CYLC1: variants seen among roughly 807,000 people sequenced by gnomAD.
CYLC1 encodes the protein cylicin 1.
Under a neutral mutation model 31.6 loss-of-function variants are expected in CYLC1, and 2 were observed. The observed-to-expected ratio is 0.06, with a 90% CI of 0.03 to 0.20. The LOEUF is 0.20. Ranked by LOEUF, CYLC1 falls within the 10% of genes least tolerant of loss-of-function variation. The probability of loss-of-function intolerance (pLI) is 1.00; values close to 1 mark genes in which losing one functional copy is unlikely to be tolerated. For missense variants in CYLC1, 595 were observed against 424.1 expected (o/e 1.40, Z -3.54); for synonymous variants, 185 against 153.0 (o/e 1.21, Z -1.54).
intron 1 of CYLC1, among the ~76,000 whole-genome samples, chrX:83,863,602 A>T (rs911511436): frequency 8.9e-6 from 1 of 111,962 alleles, no homozygotes. Context: ...AGCATGAGAA[A>T]AAAAATGTGT....
Position 83,874,214 on chromosome X carries a change from G to A in CYLC1, c.1506G>A (p.Lys502=). 1.7e-6 allele frequency: 2 copies of A among 1,205,783 alleles called. No homozygotes were observed. Among genetic ancestry groups the A allele is most frequent in the Non-Finnish European group, 2.2e-6 (2 of 891,739 alleles). Residue 502 remains lysine (K), a synonymous_variant, in exon 4 of 5, where the codon AAG becomes AAA. Coordinates refer to ENST00000329312, the MANE Select transcript of CYLC1 (RefSeq NM_021118.3). ...AGGACAAGAAACACTCAAAGGAAAA[G>A]AAAGGTTCAAAGAAAGATATCAAGA... ...LKKDKKHSKE[K]KGSKKDIKKD...
rs770547847 is a variant in CYLC1, at chrX:83,871,221, G to A, written c.59-231G>A. ...TATCTGTGAAAATTAGTTTAATGTA[G>A]AAAATAAAATTACAAATTTCATTTT... is the stretch of plus-strand genomic sequence containing the variant. On this transcript the variant is annotated intron_variant, in intron 2 of 4. Transcript: ENST00000329312. 8.2e-4 allele frequency among the ~76,000 whole-genome samples: 90 copies of A among 110,240 alleles called. 1 individual carries two copies. The highest frequency in any genetic ancestry group is 2.7e-4 in the Non-Finnish European group (14 of 52,356).
intron 4 of CYLC1, among the ~76,000 whole-genome samples, chrX:83,882,529 C>A (rs760450170): frequency 2.7e-5 from 3 of 110,729 alleles, no homozygotes; most frequent in Non-Finnish European, 5.7e-5. Context: ...TTTATAAAAA[C>A]TATCTCTTCC....
chrX:83,883,657 G>A (rs1463910373), intron 4 of CYLC1, among the ~76,000 whole-genome samples: 3 of 111,542 alleles, frequency 2.7e-5, no homozygotes, highest in African/African-American at 9.7e-5. Flanking sequence ...TTATTATTAT[G>A]GTTGTGCATT....
In CYLC1 at chrX:83,872,932, A is replaced by T. The variant is rs867080166; in HGVS notation, c.224A>T (p.Lys75Ile). The T allele has an allele frequency of 1.7e-6, 2 of 1,189,905 alleles. No individual in the cohort carries two copies. The highest frequency in any genetic ancestry group is 4.9e-5 in the Admixed American group (2 of 40,888). The change falls in exon 4 of 5, where the codon AAA (lysine) becomes ATA (isoleucine). Residue 75 changes from lysine (K) to isoleucine (I), a missense_variant. Physicochemically the swap from Lys to Ile is moderately radical, Grantham distance 102. Coordinates refer to ENST00000329312, the MANE Select transcript of CYLC1 (RefSeq NM_021118.3). Reference protein sequence around the residue: ...KLEEGQKPAHKWIRHSFRKIL... With the variant: ...KLEEGQKPAHIWIRHSFRKIL... ...GAAGAAGGCCAGAAACCAGCTCATAAATGGATAAGGCATTCTTTCAGAAAA... is the reference window on the plus strand; with the variant it reads ...GAAGAAGGCCAGAAACCAGCTCATATATGGATAAGGCATTCTTTCAGAAAA...
intron 1 of CYLC1, among the ~76,000 whole-genome samples, 164 bp from the exon 2 acceptor site, chrX:83,869,701 T>A (rs1280366048): frequency 1.8e-5 from 2 of 111,292 alleles, no homozygotes. Context: ...ATTGAAGAAT[T>A]TGTTATAATA....
chrX:83,873,831 G>A lies in CYLC1; in HGVS notation c.1123G>A (p.Gly375Arg), dbSNP rs774959107. 8.4e-7 allele frequency: 1 copy of A among 1,189,072 alleles called. No individual in the cohort carries two copies. The highest frequency in any genetic ancestry group is 2.2e-5 in the Admixed American group (1 of 45,313). The stretch of plus-strand genomic sequence containing the variant: ...CCCAGAGTCTACTGATACTGAATCA[G>A]GAGATGCAAAGGATGCAAGAAATGA... Reference protein sequence around the residue: ...KYPESTDTESGDAKDARNDSR... With the variant: ...KYPESTDTESRDAKDARNDSR... The change falls in exon 4 of 5, where the codon GGA becomes AGA. Residue 375 changes from glycine to arginine, a missense_variant. Physicochemically the swap from Gly to Arg is moderately radical, Grantham distance 125. Coordinates refer to ENST00000329312, the MANE Select transcript of CYLC1 (RefSeq NM_021118.3).
chrX:83,874,396 G>T lies in CYLC1; in HGVS notation c.1688G>T (p.Gly563Val). The T allele has an allele frequency of 8.3e-7, 1 of 1,209,705 alleles. No homozygotes were observed. Among genetic ancestry groups the T allele is most frequent in the Non-Finnish European group, 1.1e-6 (1 of 894,356 alleles). The change falls in exon 4 of 5, where the codon GGC (glycine) becomes GTC (valine). Residue 563 changes from glycine to valine, a missense_variant. Physicochemically the swap from Gly to Val is moderately radical, Grantham distance 109 (BLOSUM62 -3). Transcript: ENST00000329312. Reference protein sequence around the residue: ...GAKKKIDESDGTSANSKMEGL... With the variant: ...GAKKKIDESDVTSANSKMEGL... Reference sequence around the variant, plus strand: ...AAGAAGAAAATTGATGAATCAGATGGCACATCTGCAAATTCAAAGATGGAA... The same window carrying T: ...AAGAAGAAAATTGATGAATCAGATGTCACATCTGCAAATTCAAAGATGGAA...
intron 4 of CYLC1, among the ~76,000 whole-genome samples, chrX:83,884,635 A>C (rs759527604): frequency 8.9e-6 from 1 of 112,196 alleles, no homozygotes; most frequent in Admixed American, 9.5e-5. Context: ...AATAAAAAAT[A>C]AAATAAAAAA....
rs754439326 is a variant in CYLC1, at chrX:83,873,338, C to T, written c.630C>T (p.Asn210=). ...KKDSKNSKKT[N]TEFLHTKNNP... ...ATTCAAAGAATTCCAAGAAGACAAA[C>T]ACTGAATTCCTACATACAAAGAACA... Residue 210 remains asparagine (N), a synonymous_variant, in exon 4 of 5, where the codon AAC becomes AAT. Coordinates refer to ENST00000329312, the MANE Select transcript of CYLC1 (RefSeq NM_021118.3). 3 of 1,200,370 alleles carry T rather than the reference C, an allele frequency of 2.5e-6. No individual in the cohort carries two copies. The highest frequency in any genetic ancestry group is 2.2e-5 in the Admixed American group (1 of 45,047).
chrX:83,864,132 G>A (rs1602299554), intron 1 of CYLC1, among the ~76,000 whole-genome samples: 2 of 111,039 alleles, frequency 1.8e-5, no homozygotes, highest in African/African-American at 6.6e-5. Flanking sequence ...CTTAGATTAG[G>A]GCACAACTTA....
In CYLC1 at chrX:83,873,858, T is replaced by A. The variant is rs1252390606; in HGVS notation, c.1150T>A (p.Ser384Thr). ...SGDAKDARND[S>T]RNLKKASKND... ...AGATGCAAAGGATGCAAGAAATGATTCAAGAAATTTGAAGAAAGCTTCAAA... is the reference window on the plus strand; with the variant it reads ...AGATGCAAAGGATGCAAGAAATGATACAAGAAATTTGAAGAAAGCTTCAAA... Residue 384 changes from serine (S) to threonine (T), a missense_variant, in exon 4 of 5, where the codon TCA becomes ACA. Physicochemically the swap from Ser to Thr is moderately conservative, Grantham distance 58. Transcript: ENST00000329312. 14 of 1,192,877 alleles carry A rather than the reference T, an allele frequency of 1.2e-5. No individual in the cohort carries two copies. The highest frequency in any genetic ancestry group is 1.6e-5 in the Non-Finnish European group (14 of 883,654).
intron 4 of CYLC1, among the ~76,000 whole-genome samples, chrX:83,884,847 T>C (rs187665602): frequency 9.0e-6 from 1 of 111,180 alleles, no homozygotes; most frequent in Non-Finnish European, 1.9e-5. Flanking sequence ...TGTCTTCTCA[T>C]TGACCTCTGA....
chrX:83,875,869 C>A (rs1320368199), intron 4 of CYLC1, among the ~76,000 whole-genome samples: 1 of 110,582 alleles, frequency 9.0e-6, no homozygotes, highest in South Asian at 3.8e-4. Context: ...TTCTAAGCAT[C>A]GTAGGACTGC....
In CYLC1 at chrX:83,874,087, A is replaced by T; in HGVS notation, c.1379A>T (p.Asp460Val). Residue 460 changes from aspartate to valine, a missense_variant, in exon 4 of 5, where the codon GAT becomes GTT. Coordinates refer to ENST00000329312, the MANE Select transcript of CYLC1 (RefSeq NM_021118.3). ...GGAGATTCAAAAAAGGGTAAAAAGG[A>T]TGAAAAGAAGGGGAAGAAAGATTCA... ...PKGDSKKGKK[D>V]EKKGKKDSKK... is the part of the protein sequence containing the mutation. 1.7e-6 allele frequency: 2 copies of T among 1,205,429 alleles called. No individual in the cohort carries two copies. The highest frequency in any genetic ancestry group is 2.2e-6 in the Non-Finnish European group (2 of 892,116).
rs769144104 is a variant in CYLC1, at chrX:83,880,780, T to C, written c.1924-5772T>C. Among the ~76,000 whole-genome samples the C allele has an allele frequency of 7.2e-5, 8 of 111,443 alleles. 1 individual carries two copies. The South Asian group carries it at 2.2e-3, about 31-fold the overall frequency. On this transcript the variant is annotated intron_variant, in intron 4 of 4. Transcript: ENST00000329312. Reference sequence around the variant, plus strand: ...CCTATCAACATCCCTCAAATAACAATGCATGTGGCTTTTAATTTCATCCAG... The same window carrying C: ...CCTATCAACATCCCTCAAATAACAACGCATGTGGCTTTTAATTTCATCCAG...
intron 4 of CYLC1, among the ~76,000 whole-genome samples, chrX:83,879,858 A>T (rs745575605): frequency 8.9e-6 from 1 of 111,809 alleles, no homozygotes; most frequent in Non-Finnish European, 1.9e-5. Context: ...ATAAAGAAAT[A>T]ATACATCTTT....
intron 4 of CYLC1, among the ~76,000 whole-genome samples, chrX:83,882,365 T>TTTTTCCC (rs755997293): frequency 8.2e-4 from 91 of 110,727 alleles, no homozygotes; most frequent in South Asian, 6.9e-3. Flanking sequence ...ACCTTTTTCC[T>TTTTTCCC]ACCCTTTTTC....
At position 83,869,209 on chromosome X, in the gene CYLC1, G is replaced by GTTTATC. The variant is rs768858831; in HGVS notation, c.18-652_18-647dup. Among the ~76,000 whole-genome samples the GTTTATC allele has an allele frequency of 1.0e-3, 111 of 110,383 alleles. 1 individual carries two copies. In the East Asian group the frequency reaches 0.019, roughly 19 times the overall value. On this transcript the variant is annotated intron_variant, in intron 1 of 4. Transcript: ENST00000329312. ...ACTGGTATATAGAAAGGTAATTATA[G>GTTTATC]TTTATCTTTTTGTTAAATTTTAAAG...
Sources: allele counts gnomAD v4.1 joint callset (sites outside exome capture counted in the v4.1 genomes callset), GRCh38; gene constraint gnomAD v4.1.1; transcripts MANE v1.5; gene names NCBI Gene and HGNC (gene_info 2026-07-23, HGNC 2026-07-21).